EXOC6B: variants seen among roughly 807,000 people sequenced by gnomAD.
EXOC6B encodes SEC15 homolog B.
EXOC6B carries 54 observed loss-of-function variants against 113.5 expected under a neutral mutation model. The observed-to-expected ratio is 0.48, with a 90% confidence interval of 0.38 to 0.60. The LOEUF (loss-of-function observed/expected upper bound fraction) is 0.60. EXOC6B is among the 20% of genes least tolerant of loss of function. The pLI is 0.00. For missense variants in EXOC6B, 797 were observed against 977.5 expected, an observed-to-expected ratio of 0.82 and a Z score of 2.46; for synonymous variants, 357 against 339.0, an observed-to-expected ratio of 1.05 and a Z score of -0.58.
rs973688310 is a variant in EXOC6B, at chr2:72,215,464, G to A, written c.2197-31277C>T. Among the ~76,000 whole-genome samples, 87 of 152,060 alleles carry A rather than the reference G, an allele frequency of 5.7e-4. 1 individual carries two copies. The highest frequency in any genetic ancestry group is 2.9e-4 in the Non-Finnish European group (20 of 68,016). On this transcript the variant is annotated intron_variant, in intron 20 of 21. Transcript: ENST00000272427. Reference sequence around the variant, plus strand: ...AAACCTAATTTCCAAGAAAGAAATCGTTATGATCACCACCCTCAAATGACC... The same window carrying A: ...AAACCTAATTTCCAAGAAAGAAATCATTATGATCACCACCCTCAAATGACC...
intron 19 of EXOC6B, chr2:72,335,283 A>G: frequency 2.8e-6 from 1 of 360,452 alleles, no homozygotes; most frequent in East Asian, 5.0e-5. Flanking sequence ...TGGGCTTCAG[A>G]GTATTTGTTT....
intron 16 of EXOC6B, among the ~76,000 whole-genome samples, chr2:72,486,267 G>A (rs1389146040): frequency 6.6e-6 from 1 of 151,910 alleles, no homozygotes; most frequent in Admixed American, 6.6e-5. Flanking sequence ...TACTCGGGAG[G>A]CTGAGGTAGA....
At chr2:72,439,246 G>C (rs1696055241) in intron 18 of EXOC6B, among the ~76,000 whole-genome samples, 1 of 152,154 alleles carries the variant, frequency 6.6e-6, no homozygotes, top group Non-Finnish European at 1.5e-5. Context: ...TTTAACTAGG[G>C]TTCTCTGAAT....
chr2:72,182,685 A>G (rs974286328), intron 21 of EXOC6B, among the ~76,000 whole-genome samples: 5 of 152,092 alleles, frequency 3.3e-5, no homozygotes, highest in African/African-American at 1.2e-4. Flanking sequence ...CCCAGCCCCA[A>G]AGGAATTAGT....
At chr2:72,708,222 T>G (rs1170503946) in intron 6 of EXOC6B, among the ~76,000 whole-genome samples, 1 of 151,914 alleles carries the variant, frequency 6.6e-6, no homozygotes, top group East Asian at 1.9e-4. Flanking sequence ...ATATAAACAA[T>G]AGATAGGGAA....
intron 1 of EXOC6B, chr2:72,760,403 T>C (rs555449268): frequency 6.6e-6 from 1 of 152,450 alleles, no homozygotes; most frequent in Admixed American, 6.5e-5. Context: ...TGAAGTCATC[T>C]TAGTGTCCAT....
intron 6 of EXOC6B, among the ~76,000 whole-genome samples, chr2:72,634,043 G>A (rs77881451): frequency 2.6e-5 from 4 of 151,906 alleles, no homozygotes; most frequent in South Asian, 2.1e-4. Flanking sequence ...GAAAAAAAAA[G>A]AGCATGCGTG....
intron 7 of EXOC6B, among the ~76,000 whole-genome samples, chr2:72,569,059 C>T (rs1443137474): frequency 1.3e-5 from 2 of 151,808 alleles, no homozygotes; most frequent in Non-Finnish European, 1.5e-5. Flanking sequence ...ATAAGAAAAC[C>T]AAAACAGAAC....
intron 17 of EXOC6B, among the ~76,000 whole-genome samples, chr2:72,466,604 C>A (rs927370584): frequency 1.3e-5 from 2 of 152,092 alleles, no homozygotes; most frequent in Admixed American, 1.3e-4. Context: ...CATACTATAA[C>A]ATAGTTGGTG....
intron 20 of EXOC6B, among the ~76,000 whole-genome samples, chr2:72,239,087 C>T (rs1286708146): frequency 2.6e-5 from 4 of 152,106 alleles, no homozygotes; most frequent in African/African-American, 9.7e-5. Flanking sequence ...GTCGAGGTTT[C>T]ACCATGTTGC....
intron 6 of EXOC6B, among the ~76,000 whole-genome samples, chr2:72,704,020 A>G (rs1460936014): frequency 1.3e-5 from 2 of 151,882 alleles, no homozygotes; most frequent in Non-Finnish European, 2.9e-5. Flanking sequence ...TCAACAGAAT[A>G]TACATTTTTT....
chr2:72,306,654 T>C (rs1036914647), intron 20 of EXOC6B, among the ~76,000 whole-genome samples: 1 of 152,182 alleles, frequency 6.6e-6, no homozygotes, highest in African/African-American at 2.4e-5. Context: ...AAAGGTTATT[T>C]TCAGGTCAAA....
intron 20 of EXOC6B, among the ~76,000 whole-genome samples, chr2:72,237,112 C>T (rs1159766): frequency 0.37 from 55,621 of 151,960 alleles, 12,791 homozygotes; most frequent in African/African-American, 0.65. Flanking sequence ...AGGTAGAGGC[C>T]CTTAGGTAGC....
At chr2:72,598,230 A>T (rs2103980259) in intron 6 of EXOC6B, among the ~76,000 whole-genome samples, 1 of 152,120 alleles carries the variant, frequency 6.6e-6, no homozygotes, top group Admixed American at 6.5e-5. Flanking sequence ...AGAAGTACCC[A>T]CTCAGACCAC....
intron 8 of EXOC6B, among the ~76,000 whole-genome samples, chr2:72,538,717 G>A (rs973690886): frequency 4.6e-5 from 7 of 152,254 alleles, no homozygotes; most frequent in Admixed American, 2.6e-4. Context: ...CTAGAAGTAC[G>A]CAATAAATAT....
intron 6 of EXOC6B, among the ~76,000 whole-genome samples, chr2:72,659,450 A>G (rs1674844059): frequency 6.6e-6 from 1 of 152,106 alleles, no homozygotes; most frequent in African/African-American, 2.4e-5. Flanking sequence ...AATCCTCATT[A>G]TTTTATCTTA....
intron 20 of EXOC6B, among the ~76,000 whole-genome samples, chr2:72,322,788 T>C (rs1346708148): frequency 1.3e-5 from 2 of 152,124 alleles, no homozygotes; most frequent in Non-Finnish European, 2.9e-5. Flanking sequence ...GCTAGCAATA[T>C]GCAGAAAACT....
chr2:72,411,001 G>A (rs1044357252), intron 18 of EXOC6B, among the ~76,000 whole-genome samples: 7 of 152,148 alleles, frequency 4.6e-5, no homozygotes, highest in Non-Finnish European at 1.0e-4. Flanking sequence ...CTGAGCTCAA[G>A]AGTTCAAGAC....
intron 6 of EXOC6B, among the ~76,000 whole-genome samples, chr2:72,709,402 C>T: frequency 6.6e-6 from 1 of 152,108 alleles, no homozygotes; most frequent in East Asian, 1.9e-4. Context: ...GAGGGCACAT[C>T]GCAGGGATTG....
Sources: allele counts gnomAD v4.1 joint callset (sites outside exome capture counted in the v4.1 genomes callset), GRCh38; gene constraint gnomAD v4.1.1; transcripts MANE v1.5; gene names NCBI Gene and HGNC (gene_info 2026-07-23, HGNC 2026-07-21).